Variants in NAGA observed in about 807,000 individuals in gnomAD.
NAGA encodes the protein alpha-N-acetylgalactosaminidase.
A neutral mutation model predicts 45.6 loss-of-function variants in NAGA; 42 were observed. The observed-to-expected ratio is 0.92, with a 90% confidence interval of 0.72 to 1.19. The LOEUF (loss-of-function observed/expected upper bound fraction) is 1.19. Ranked by LOEUF, NAGA falls within the 50% of genes most tolerant of loss-of-function variation. The pLI, the probability that NAGA is intolerant of heterozygous loss-of-function variation, is 0.00. For synonymous variants in NAGA, 176 were observed against 203.1 expected (o/e 0.87, Z 1.13); for missense variants, 493 against 544.8 (o/e 0.90, Z 0.95).
At chr22:42,066,988 G>A in intron 4 of NAGA, 125 bp downstream of exon 4, 1 of 1,490,050 alleles carries the variant, frequency 6.7e-7, no homozygotes, top group Non-Finnish European at 9.3e-7. Context: ...AGGGAGCCTG[G>A]GAGCCACAAT....
rs1250652785 is a variant in NAGA, at chr22:42,060,399, G to C, written c.1116C>G (p.Tyr372Ter). ...GGAGGCCACTGATGATGTCACCTGAGTAGACGTCCTGGGCCTGCAGTGGGG... is the reference window on the plus strand; with the variant it reads ...GGAGGCCACTGATGATGTCACCTGACTAGACGTCCTGGGCCTGCAGTGGGG... The part of the protein sequence containing the change: ...GSVIYEAQDV[Y>*]SGDIISGLRD... The change falls in exon 9 of 9, where the codon TAC (tyrosine) becomes TAG (stop). Residue 372 changes from tyrosine to a stop codon, truncating the protein, a stop_gained. Transcript: ENST00000396398. LOFTEE classifies it high-confidence loss of function. 1.9e-6 allele frequency: 3 copies of C among 1,613,232 alleles called. No individual in the cohort carries two copies. Among genetic ancestry groups the C allele is most frequent in the Non-Finnish European group, 2.5e-6 (3 of 1,180,032 alleles).
At chr22:42,069,311 G>A (rs1430345035) in intron 1 of NAGA, among the ~76,000 whole-genome samples, 1 of 152,020 alleles carries the variant, frequency 6.6e-6, no homozygotes, top group Non-Finnish European at 1.5e-5. Context: ...GCTGAGCCTA[G>A]CCTACCTTAA....
intron 1 of NAGA, among the ~76,000 whole-genome samples, chr22:42,069,811 A>G (rs1448403042): frequency 6.6e-6 from 1 of 152,158 alleles, no homozygotes; most frequent in Non-Finnish European, 1.5e-5. Flanking sequence ...GTAAAGTTGA[A>G]AAATCGTTAA....
chr22:42,069,598 T>C (rs1236454453), intron 1 of NAGA, among the ~76,000 whole-genome samples: 1 of 124,172 alleles, frequency 8.1e-6, no homozygotes, highest in African/African-American at 3.2e-5. Context: ...CCAGCCTGGG[T>C]GACAGAGTGA....
chr22:42,070,230 C>T (rs1466422981), intron 1 of NAGA, 52 bp downstream of exon 1: 1 of 1,606,066 alleles, frequency 6.2e-7, no homozygotes, highest in Non-Finnish European at 8.5e-7. Context: ...CCAAAGCACT[C>T]CTTGTAGCAC....
At chr22:42,069,468 T>A (rs1926925425) in intron 1 of NAGA, among the ~76,000 whole-genome samples, 2 of 151,486 alleles carry the variant, frequency 1.3e-5, no homozygotes, top group Admixed American at 6.6e-5. Context: ...TACAAAAAAA[T>A]ACCGGGGTGA....
At position 42,070,607 on chromosome 22, in the gene NAGA, C is replaced by G. The variant is rs1926995693; in HGVS notation, c.-310G>C. 9.6e-6 allele frequency: 5 copies of G among 519,976 alleles called. No individual in the cohort carries two copies. Among genetic ancestry groups the G allele is most frequent in the Non-Finnish European group, 1.4e-5 (4 of 286,912 alleles). 32.2% of individuals were successfully genotyped at this position (519,976 alleles called of 1,614,324 possible). Reference sequence around the variant, plus strand: ...AGGGCCTACGGGCCGCCTTCGGCCCCGCCCGGGCTCAGAAAAAGGCAGCCA... The same window carrying G: ...AGGGCCTACGGGCCGCCTTCGGCCCGGCCCGGGCTCAGAAAAAGGCAGCCA... On this transcript the variant is annotated 5_prime_UTR_variant, in exon 1 of 9. Coordinates refer to ENST00000396398, the MANE Select transcript of NAGA (RefSeq NM_000262.3).
rs1926267212 is a variant in NAGA at position 42,060,035 on chromosome 22, G to A, written c.*244C>T. The A allele has an allele frequency of 3.8e-6, 2 of 530,218 alleles. No individual in the cohort carries two copies. Among genetic ancestry groups the A allele is most frequent in the Non-Finnish European group, 6.9e-6 (2 of 291,404 alleles). The allele number at this position is 530,218 out of a possible 1,614,324, so 32.8% of individuals were successfully genotyped here. A position where few individuals can be genotyped will look rare whatever the true frequency, so the allele number is the denominator to read the frequency against. On this transcript the variant is annotated 3_prime_UTR_variant, in exon 9 of 9. Transcript: ENST00000396398. The stretch of plus-strand genomic sequence containing the variant: ...GCGAGTTGCTCAGCAACGTCTGTGG[G>A]GCTGCGCACATGGAAGTAGAGGCCA...
intron 7 of NAGA, among the ~76,000 whole-genome samples, chr22:42,061,358 G>A (rs1228141480): frequency 6.6e-6 from 1 of 152,220 alleles, no homozygotes; most frequent in African/African-American, 2.4e-5. Flanking sequence ...ACAACGGGAG[G>A]GATAAACGCA....
rs886057598 is a variant in NAGA, at chr22:42,070,603, G to T, written c.-306C>A. 5.7e-6 allele frequency: 3 copies of T among 528,526 alleles called. No individual in the cohort carries two copies. 32.7% of individuals were successfully genotyped at this position (528,526 alleles called of 1,614,324 possible). A position where few individuals can be genotyped will look rare whatever the true frequency, so the allele number is the denominator to read the frequency against. On this transcript the variant is annotated 5_prime_UTR_variant, in exon 1 of 9. Coordinates refer to ENST00000396398, the MANE Select transcript of NAGA (RefSeq NM_000262.3). Reference sequence around the variant, plus strand: ...CCCGAGGGCCTACGGGCCGCCTTCGGCCCCGCCCGGGCTCAGAAAAAGGCA... The same window carrying T: ...CCCGAGGGCCTACGGGCCGCCTTCGTCCCCGCCCGGGCTCAGAAAAAGGCA...
chr22:42,069,389 C>T (rs1488546888), intron 1 of NAGA, among the ~76,000 whole-genome samples: 3 of 152,050 alleles, frequency 2.0e-5, no homozygotes, highest in South Asian at 2.1e-4. Context: ...CCGAGGTGGG[C>T]GGATCACCGT....
intron 5 of NAGA, 141 bp from the exon 6 acceptor site, chr22:42,066,040 G>T: frequency 8.9e-7 from 1 of 1,118,786 alleles, no homozygotes; most frequent in Non-Finnish European, 1.3e-6. Context: ...GGCTTGCTCA[G>T]GATGAGGAGG....
Position 42,065,913 on chromosome 22 carries a change from G to T in NAGA, c.598-14C>A. The T allele has an allele frequency of 6.2e-7, 1 of 1,613,424 alleles. No homozygotes were observed. Among genetic ancestry groups the T allele is most frequent in the Non-Finnish European group, 8.5e-7 (1 of 1,179,668 alleles). On this transcript the variant is annotated splice_polypyrimidine_tract_variant and intron_variant, in intron 5 of 8. Coordinates refer to ENST00000396398, the MANE Select transcript of NAGA (RefSeq NM_000262.3). ...ACTGTAGTTCACCTGGATGTCGAGG[G>T]GAAGGCAGAGTCCAGCACCAGAATC...
chr22:42,067,279 C>T lies in NAGA; in HGVS notation c.336G>A (p.Leu112=). 1 of 1,614,102 alleles carries T rather than the reference C, an allele frequency of 6.2e-7. No homozygotes were observed. Among genetic ancestry groups the T allele is most frequent in the Non-Finnish European group, 8.5e-7 (1 of 1,180,006 alleles). Residue 112 remains leucine (L), a synonymous_variant, in exon 4 of 9, where the codon CTG becomes CTA. Transcript: ENST00000396398. ...IPFLADYVHS[L]GLKLGIYADM... is the part of the protein sequence containing the mutation. ...CCGCGTAGATACCCAACTTCAGGCC[C>T]AGGGAGTGAACCTGTGGGGGTTTGA... is the stretch of plus-strand genomic sequence containing the variant.
At chr22:42,067,012 G>A in intron 4 of NAGA, 101 bp downstream of exon 4, 1 of 1,553,152 alleles carries the variant, frequency 6.4e-7, no homozygotes, top group Non-Finnish European at 8.9e-7. Flanking sequence ...CCTAACCCCT[G>A]GGTAGGGGGA....
Position 42,062,914 on chromosome 22 carries a change from G to A in NAGA, c.870C>T (p.Ser290=), listed in dbSNP as rs144984228. Residue 290 remains serine (S), a synonymous_variant, in exon 7 of 9, where the codon TCC becomes TCT. Coordinates refer to ENST00000396398, the MANE Select transcript of NAGA (RefSeq NM_000262.3). ...TCTGCAGAATGTCCATGTTCTGGGC[G>A]GAGATGGTACGCAGGTCTGTGGACA... ...LLMSTDLRTI[S]AQNMDILQNP... is the part of the protein sequence containing the mutation. The A allele has an allele frequency of 1.9e-5, 31 of 1,614,058 alleles. No homozygotes were observed. The highest frequency in any genetic ancestry group is 1.6e-4 in the Middle Eastern group (1 of 6,084).
In NAGA at chr22:42,067,397, A is replaced by G; in HGVS notation, c.325-107T>C. On this transcript the variant is annotated intron_variant, in intron 3 of 8. Coordinates refer to ENST00000396398, the MANE Select transcript of NAGA (RefSeq NM_000262.3). ...AACCTCCAGTGGCTCCCACGGACCA[A>G]AGGAGATGGTCCCAGCATGCTGGCC... 2.2e-6 allele frequency: 3 copies of G among 1,374,246 alleles called. No individual in the cohort carries two copies. The Admixed American group carries it at 5.3e-5, about 24-fold the overall frequency. The allele number at this position is 1,374,246 out of a possible 1,614,324, so 85.1% of individuals were successfully genotyped here. A position where few individuals can be genotyped will look rare whatever the true frequency, so the allele number is the denominator to read the frequency against.
Position 42,068,543 on chromosome 22 carries a change from C to A in NAGA, c.48G>T (p.Leu16=). The A allele has an allele frequency of 6.2e-7, 1 of 1,614,156 alleles. No individual in the cohort carries two copies. The highest frequency in any genetic ancestry group is 8.5e-7 in the Non-Finnish European group (1 of 1,180,032). Residue 16 remains leucine (L), a synonymous_variant, in exon 2 of 9, where the codon CTG becomes CTT. Coordinates refer to ENST00000396398, the MANE Select transcript of NAGA (RefSeq NM_000262.3). ...TCTGCAGGAGCCCATTGTCCAGCATCAGCACCTGGGCCACATGTCCCAGCA... is the reference window on the plus strand; with the variant it reads ...TCTGCAGGAGCCCATTGTCCAGCATAAGCACCTGGGCCACATGTCCCAGCA... ...VLLLGHVAQV[L]MLDNGLLQTP...
At chr22:42,068,329 G>A (rs1360893514) in intron 2 of NAGA, 110 bp downstream of exon 2, 13 of 1,550,442 alleles carry the variant, frequency 8.4e-6, no homozygotes, top group Non-Finnish European at 8.9e-7. Context: ...GCAGTCTCTG[G>A]GATGGAGAAC....
Sources: gnomAD v4.1 joint callset for allele counts (sites outside exome capture counted in the v4.1 genomes callset) on GRCh38, gnomAD v4.1.1 for gene constraint, MANE v1.5 for transcripts, NCBI Gene and HGNC (gene_info 2026-07-23, HGNC 2026-07-21) for gene names.